ENTREP2: variants seen among roughly 807,000 people sequenced by gnomAD.
ENTREP2 encodes endosomal transmembrane epsin interactor 2.
At chr15:29,187,865 G>A in the ENTREP2 span, among the ~76,000 whole-genome samples, 5 of 152,208 alleles carry the variant, frequency 3.3e-5, no homozygotes, top group African/African-American at 7.2e-5. Flanking sequence ...CAGGCTGTGC[G>A]GTATGCTCCA....
the ENTREP2 span, among the ~76,000 whole-genome samples, chr15:29,250,740 G>T: frequency 6.6e-6 from 1 of 152,122 alleles, no homozygotes; most frequent in Non-Finnish European, 1.5e-5. Flanking sequence ...ATAGCACCTA[G>T]TATTTAGGAA....
At chr15:29,452,949 T>C in the ENTREP2 span, 1 of 151,304 alleles carries the variant, frequency 6.6e-6, no homozygotes, top group African/African-American at 2.4e-5. Context: ...CAGAAATGAG[T>C]GGAAAAGCTG....
At chr15:29,316,621 C>T in the ENTREP2 span, among the ~76,000 whole-genome samples, 3 of 152,066 alleles carry the variant, frequency 2.0e-5, no homozygotes, top group African/African-American at 4.8e-5. Context: ...GTACTGATGA[C>T]GCAAGAATGT....
chr15:29,287,546 G>T, the ENTREP2 span, among the ~76,000 whole-genome samples: 16 of 152,066 alleles, frequency 1.1e-4, no homozygotes, highest in Admixed American at 2.0e-4. Context: ...CATTTATTTT[G>T]TTTAAAGTAG....
the ENTREP2 span, chr15:29,120,510 C>A: frequency 1.3e-5 from 2 of 152,200 alleles, no homozygotes; most frequent in Non-Finnish European, 2.9e-5. Flanking sequence ...GACCTGAAGT[C>A]CTTGCGGATG....
the ENTREP2 span, chr15:29,570,091 G>A: frequency 1.5e-5 from 2 of 136,582 alleles, no homozygotes; most frequent in Admixed American, 8.2e-5. Flanking sequence ...CCGCCGCGAG[G>A]GTGAGAGGCG....
chr15:29,138,228 G>T, the ENTREP2 span, among the ~76,000 whole-genome samples: 1 of 152,086 alleles, frequency 6.6e-6, no homozygotes, highest in Non-Finnish European at 1.5e-5. Flanking sequence ...CTTGAACACC[G>T]AGATGCTGCT....
the ENTREP2 span, among the ~76,000 whole-genome samples, chr15:29,462,982 T>TG: frequency 2.5e-4 from 38 of 152,344 alleles, no homozygotes; most frequent in African/African-American, 9.1e-4. Flanking sequence ...ACCTCTCTCC[T>TG]GCCTCCTGAA....
chr15:29,490,492 G>A, the ENTREP2 span, among the ~76,000 whole-genome samples: 9 of 152,130 alleles, frequency 5.9e-5, no homozygotes, highest in African/African-American at 2.2e-4. Flanking sequence ...ATTTTACAGA[G>A]AGCTGACTGG....
the ENTREP2 span, among the ~76,000 whole-genome samples, chr15:29,457,717 C>T: frequency 0.18 from 27,873 of 152,158 alleles, 3,401 homozygotes; most frequent in African/African-American, 0.35. Flanking sequence ...AAGTGTCCCC[C>T]AAAACAGTCG....
chr15:29,465,610 T>TAC, the ENTREP2 span, among the ~76,000 whole-genome samples: 4 of 152,226 alleles, frequency 2.6e-5, no homozygotes, highest in South Asian at 8.3e-4. Context: ...ATCCTGGATG[T>TAC]ACTCTAAAGG....
chr15:29,479,717 A>G, the ENTREP2 span, among the ~76,000 whole-genome samples: 206 of 151,904 alleles, frequency 1.4e-3, no homozygotes, highest in African/African-American at 4.9e-3. Flanking sequence ...ACATGCTGGG[A>G]CCTAGAATAA....
the ENTREP2 span, among the ~76,000 whole-genome samples, chr15:29,565,403 A>G: frequency 6.6e-6 from 1 of 152,202 alleles, no homozygotes; most frequent in Middle Eastern, 3.2e-3. Flanking sequence ...CAAAAAAAAA[A>G]AAAGCAGTGG....
chr15:29,611,159 G>A, the ENTREP2 span: 1 of 152,088 alleles, frequency 6.6e-6, no homozygotes, highest in Non-Finnish European at 1.5e-5. Flanking sequence ...ATCACTTCCT[G>A]GGGCTTCTTC....
At chr15:29,544,521 T>C in the ENTREP2 span, among the ~76,000 whole-genome samples, 1 of 152,156 alleles carries the variant, frequency 6.6e-6, no homozygotes, top group Admixed American at 6.5e-5. Flanking sequence ...ACAATTAACA[T>C]TTTTTTCTTA....
the ENTREP2 span, among the ~76,000 whole-genome samples, chr15:29,542,777 T>TATGA: frequency 1.3e-5 from 2 of 152,334 alleles, no homozygotes; most frequent in South Asian, 4.1e-4. Context: ...TTCCTGCTTC[T>TATGA]ATGAGTCTGG....
At chr15:29,137,046 G>A in the ENTREP2 span, 1 of 1,439,918 alleles carries the variant, frequency 6.9e-7, no homozygotes, top group South Asian at 1.5e-5. Context: ...CTGGGCCTCA[G>A]TGGACGGTGT....
the ENTREP2 span, among the ~76,000 whole-genome samples, chr15:29,329,134 G>A: frequency 2.2e-4 from 33 of 152,130 alleles, no homozygotes; most frequent in East Asian, 5.8e-4. Flanking sequence ...AGGCCGAGGC[G>A]GGTGGATCAC....
chr15:29,585,142 G>A, the ENTREP2 span, among the ~76,000 whole-genome samples: 1 of 152,058 alleles, frequency 6.6e-6, no homozygotes, highest in Non-Finnish European at 1.5e-5. Context: ...GAGCTAATAT[G>A]TACCTCAGAA....
Sources: allele counts gnomAD v4.1 joint callset (sites outside exome capture counted in the v4.1 genomes callset), GRCh38; gene constraint gnomAD v4.1.1; transcripts MANE v1.5; gene names NCBI Gene and HGNC (gene_info 2026-07-23, HGNC 2026-07-21).